The following PTPRK variants were observed in gnomAD, a reference collection of about 807,000 sequenced individuals.
The protein encoded by PTPRK is receptor-type tyrosine-protein phosphatase kappa.
In PTPRK, 75 loss-of-function variants were observed where a neutral mutation model predicts 178.0. The ratio of observed to expected loss-of-function variants is 0.42; its 90% CI spans 0.35 to 0.51. The LOEUF (loss-of-function observed/expected upper bound fraction) is 0.51. Among genes scored for constraint, PTPRK ranks in the 20% least tolerant of loss-of-function variants. The pLI is 0.02. For missense variants in PTPRK, 1,441 were observed against 1,797.8 expected (o/e 0.80, Z 3.59); for synonymous variants, 637 against 620.6 (o/e 1.03, Z -0.39).
At chr6:128,111,599 T>TTTTC (rs1365143996) in intron 7 of PTPRK, among the ~76,000 whole-genome samples, 1 of 150,850 alleles carries the variant, frequency 6.6e-6, no homozygotes, top group Admixed American at 6.6e-5. Context: ...ACTTAAAATG[T>TTTTC]ACCTATAACT....
chr6:128,093,627 AAAAACAAAAAAACAAAAC>A (rs1562571258), intron 7 of PTPRK, among the ~76,000 whole-genome samples: 3 of 148,174 alleles, frequency 2.0e-5, no homozygotes, highest in Non-Finnish European at 3.0e-5. Context: ...AAAAAAACGA[AAAAACAAAAAAACAAAAC>A]AAAACAAAAA....
intron 6 of PTPRK, among the ~76,000 whole-genome samples, chr6:128,199,164 G>T (rs1805452107): frequency 6.6e-6 from 1 of 152,102 alleles, no homozygotes; most frequent in Admixed American, 6.6e-5. Flanking sequence ...AAGTCATATA[G>T]TAGTATATTC....
At chr6:127,988,626 C>T (rs1776244313) in intron 21 of PTPRK, among the ~76,000 whole-genome samples, 1 of 151,958 alleles carries the variant, frequency 6.6e-6, no homozygotes, top group African/African-American at 2.4e-5. Context: ...GTGTCCTAGA[C>T]TAAAAGTTAT....
At chr6:128,435,637 G>A (rs75477251) in intron 1 of PTPRK, among the ~76,000 whole-genome samples, 12 of 152,172 alleles carry the variant, frequency 7.9e-5, no homozygotes, top group African/African-American at 2.9e-4. Flanking sequence ...AAAGCAGTTC[G>A]TTATCTGTTA....
chr6:128,375,083 A>ATTG (rs899220299), intron 2 of PTPRK, among the ~76,000 whole-genome samples: 1 of 147,100 alleles, frequency 6.8e-6, no homozygotes, highest in Admixed American at 6.8e-5. Flanking sequence ...TATTATTATT[A>ATTG]TTATTATTAT....
chr6:128,111,580 T>TATACA (rs1322086219), intron 7 of PTPRK, among the ~76,000 whole-genome samples: 32 of 151,924 alleles, frequency 2.1e-4, no homozygotes, highest in Non-Finnish European at 3.1e-4. Flanking sequence ...GAAATGTAGT[T>TATACA]TTATGCTTAC....
chr6:128,477,437 C>G (rs1179207964), intron 1 of PTPRK, among the ~76,000 whole-genome samples: 1 of 151,530 alleles, frequency 6.6e-6, no homozygotes, highest in Non-Finnish European at 1.5e-5. Flanking sequence ...AAGTTGCAAT[C>G]TCTTTTCTGT....
intron 7 of PTPRK, among the ~76,000 whole-genome samples, chr6:128,169,819 G>C (rs924303489): frequency 7.8e-6 from 1 of 128,146 alleles, no homozygotes; most frequent in Non-Finnish European, 1.7e-5. Context: ...GTGTGTGTGT[G>C]TATTATTTTA....
rs1459591484 is a variant in PTPRK, at chr6:128,138,592, C to A, written c.1162+45840G>T. Among the ~76,000 whole-genome samples the A allele has an allele frequency of 3.3e-5, 5 of 152,068 alleles. No homozygotes were observed. In the East Asian group the frequency reaches 9.6e-4, roughly 29 times the overall value. On this transcript the variant is annotated intron_variant, in intron 7 of 29. Transcript: ENST00000368226. ...TTTTTTTATTCTTATTTTTTAAAAACAGCTCTGATTTTTCTAATCTCTTCT... is the reference window on the plus strand; with the variant it reads ...TTTTTTTATTCTTATTTTTTAAAAAAAGCTCTGATTTTTCTAATCTCTTCT...
intron 11 of PTPRK, among the ~76,000 whole-genome samples, chr6:128,068,068 T>A (rs1023593671): frequency 6.6e-6 from 1 of 152,218 alleles, no homozygotes; most frequent in Non-Finnish European, 1.5e-5. Context: ...TGTTGAGGAA[T>A]GAGCCACCCT....
chr6:128,104,556 C>T (rs117155514), intron 7 of PTPRK, among the ~76,000 whole-genome samples: 1,675 of 152,236 alleles, frequency 0.011, 54 homozygotes, highest in East Asian at 0.043. Context: ...ATACTTGGTA[C>T]GTAATCATTG....
At chr6:128,268,249 T>C (rs935602280) in intron 3 of PTPRK, among the ~76,000 whole-genome samples, 1 of 151,978 alleles carries the variant, frequency 6.6e-6, no homozygotes, top group African/African-American at 2.4e-5. Context: ...GAGAAACACA[T>C]TTTGCTTCAT....
chr6:128,087,056 T>C (rs942623120), intron 8 of PTPRK, among the ~76,000 whole-genome samples: 20 of 152,140 alleles, frequency 1.3e-4, no homozygotes, highest in African/African-American at 4.6e-4. Flanking sequence ...GTTTGATCAA[T>C]GTAGGGCATA....
intron 7 of PTPRK, among the ~76,000 whole-genome samples, chr6:128,098,353 A>G (rs2115047151): frequency 6.6e-6 from 1 of 152,262 alleles, no homozygotes; most frequent in East Asian, 1.9e-4. Flanking sequence ...TGTTTTGGTC[A>G]GCAGAATAAG....
chr6:128,396,840 A>C (rs1840373444), intron 2 of PTPRK, among the ~76,000 whole-genome samples: 1 of 152,084 alleles, frequency 6.6e-6, no homozygotes, highest in Admixed American at 6.5e-5. Flanking sequence ...TCCACTAAAA[A>C]TACAAAAATT....
At chr6:128,042,644 A>G (rs1292270038) in intron 13 of PTPRK, among the ~76,000 whole-genome samples, 3 of 152,042 alleles carry the variant, frequency 2.0e-5, no homozygotes, top group Admixed American at 1.3e-4. Context: ...CCATCTCAAG[A>G]TCCTTAACTT....
At chr6:128,126,482 GTGTTTT>G (rs1305452793) in intron 7 of PTPRK, among the ~76,000 whole-genome samples, 1 of 152,048 alleles carries the variant, frequency 6.6e-6, no homozygotes, top group Non-Finnish European at 1.5e-5. Context: ...GCAGAAATAA[GTGTTTT>G]TGTTTTTGTT....
chr6:128,205,189 C>T (rs1014354504), intron 6 of PTPRK, among the ~76,000 whole-genome samples: 31 of 152,124 alleles, frequency 2.0e-4, no homozygotes, highest in African/African-American at 7.2e-4. Context: ...ACATTCCGCA[C>T]TTATAAGTGA....
chr6:128,096,707 C>A (rs192488659), intron 7 of PTPRK, among the ~76,000 whole-genome samples: 1 of 152,228 alleles, frequency 6.6e-6, no homozygotes. Flanking sequence ...CTCCTGGCTG[C>A]CTTTTCATCA....
Sources: allele counts gnomAD v4.1 joint callset (sites outside exome capture counted in the v4.1 genomes callset), GRCh38; gene constraint gnomAD v4.1.1; transcripts MANE v1.5; gene names NCBI Gene and HGNC (gene_info 2026-07-23, HGNC 2026-07-21).